The following FGF22 variants were observed in gnomAD, a reference collection of about 807,000 sequenced individuals.
FGF22 encodes the protein fibroblast growth factor 22.
Under a neutral mutation model 10.3 loss-of-function variants are expected in FGF22, and 11 were observed. The ratio of observed to expected loss-of-function variants is 1.07; its 90% CI spans 0.67 to 1.77. The LOEUF is 1.77. Ranked by LOEUF, FGF22 falls within the 40% of genes most tolerant of loss-of-function variation. The pLI is 0.00. For synonymous variants in FGF22, 136 were observed against 122.1 expected, an observed-to-expected ratio of 1.11 and a Z score of -0.75; for missense variants, 317 against 273.2, an observed-to-expected ratio of 1.16 and a Z score of -1.13.
At chr19:640,440 C>T in intron 1 of FGF22, 1 of 288,230 alleles carries the variant, frequency 3.5e-6, no homozygotes, top group Admixed American at 5.2e-5. Context: ...GGGGCTGGGG[C>T]AGGCCCAGCT....
chr19:641,664 C>T, intron 1 of FGF22: 1 of 188,284 alleles, frequency 5.3e-6, no homozygotes, highest in Non-Finnish European at 1.1e-5. Flanking sequence ...TGGGAGGCAC[C>T]TTGCCAGGGG....
intron 1 of FGF22, chr19:641,380 T>G (rs1348438956): frequency 2.4e-6 from 1 of 418,398 alleles, no homozygotes; most frequent in Non-Finnish European, 4.9e-6. Flanking sequence ...ATCGAGACCA[T>G]CCCGGCTAAC....
exon 3 of FGF22, chr19:644,031 A>C: frequency 2.0e-5 from 4 of 201,846 alleles, no homozygotes; most frequent in Non-Finnish European, 2.0e-5. Context: ...TGCAAATACA[A>C]CGCCTTGCGA....
chr19:644,275 G>A (rs1986012045), exon 3 of FGF22: 1 of 152,850 alleles, frequency 6.5e-6, no homozygotes, highest in African/African-American at 2.4e-5. Context: ...GAGCCCCCGG[G>A]AGGGACCGGC....
In FGF22 at chr19:643,090, G is replaced by T. The variant is rs781653267; in HGVS notation, c.215-145G>T. ...GTCACGGCTCTGGGGGATCCTGAGT[G>T]TCCGTCGTGGTCGGGAGGGGACTCG... On this transcript the variant is annotated intron_variant, in intron 1 of 2. Coordinates refer to ENST00000215530, the Ensembl canonical transcript of FGF22. 64 of 674,340 alleles carry T rather than the reference G, an allele frequency of 9.5e-5. No individual in the cohort carries two copies. The Middle Eastern group carries it at 1.9e-3, about 20-fold the overall frequency. The allele number at this position is 674,340 out of a possible 1,614,324, so 41.8% of individuals were successfully genotyped here.
chr19:641,342 C>T (rs1377184399), intron 1 of FGF22: 14 of 444,390 alleles, frequency 3.2e-5, no homozygotes, highest in Admixed American at 1.4e-4. Context: ...TTTGGGAGGC[C>T]GAGGCGGGCA....
At chr19:641,446 G>A (rs963592342) in intron 1 of FGF22, 2 of 358,652 alleles carry the variant, frequency 5.6e-6, no homozygotes, top group African/African-American at 2.1e-5. Context: ...GTGGTGGCGG[G>A]CGCCTGTAGT....
exon 1 of FGF22, chr19:640,124 C>T: frequency 2.9e-6 from 4 of 1,364,860 alleles, no homozygotes; most frequent in Non-Finnish European, 3.8e-6. Context: ...CACCCGCTGG[C>T]GCCACGGCCA....
chr19:641,235 C>T (rs1224340527), intron 1 of FGF22: 7 of 456,278 alleles, frequency 1.5e-5, no homozygotes, highest in African/African-American at 6.0e-5. Flanking sequence ...AGAGCAGAGG[C>T]GCGCAGCAGT....
chr19:644,009 G>A (rs763349449), exon 3 of FGF22: 7 of 244,470 alleles, frequency 2.9e-5, no homozygotes, highest in East Asian at 2.6e-4. Flanking sequence ...AGCCGGTCCC[G>A]TCCCGGGAAT....
exon 3 of FGF22, chr19:643,487 G>C (rs1985981441): frequency 3.1e-6 from 5 of 1,610,908 alleles, no homozygotes; most frequent in Admixed American, 1.7e-5. Flanking sequence ...CACAGCGCTG[G>C]CGCCGCCGCG....
intron 1 of FGF22, among the ~76,000 whole-genome samples, chr19:642,742 C>T (rs1227549277): frequency 6.6e-6 from 1 of 151,714 alleles, no homozygotes; most frequent in African/African-American, 2.4e-5. Context: ...TGCTGCTGGT[C>T]GCTGGCTCAT....
intron 1 of FGF22, chr19:640,451 G>A: frequency 3.7e-6 from 1 of 273,742 alleles, no homozygotes; most frequent in African/African-American, 2.2e-5. Flanking sequence ...AGGCCCAGCT[G>A]CATGGCGGAA....
intron 1 of FGF22, among the ~76,000 whole-genome samples, chr19:641,758 T>G (rs1985910548): frequency 6.6e-6 from 1 of 152,068 alleles, no homozygotes; most frequent in African/African-American, 2.4e-5. Flanking sequence ...CGTTCCTGTG[T>G]GTCCTGGAAG....
At chr19:643,839 G>A in exon 3 of FGF22, 1 of 523,170 alleles carries the variant, frequency 1.9e-6, no homozygotes, top group South Asian at 2.7e-5. Context: ...CTCTCGGGCT[G>A]AAGGACGCAG....
At chr19:641,018 G>A (rs960112511) in intron 1 of FGF22, 1 of 376,588 alleles carries the variant, frequency 2.7e-6, no homozygotes, top group South Asian at 1.9e-5. Context: ...CCGGGGCAGA[G>A]GCCTGGCTCC....
At chr19:639,992 A>G in exon 1 of FGF22, 1 of 1,282,844 alleles carries the variant, frequency 7.8e-7, no homozygotes, top group Non-Finnish European at 9.8e-7. Context: ...CGCCGCGGGA[A>G]CCCCGAGCGC....
At chr19:640,648 C>T (rs909739936) in intron 1 of FGF22, 3 of 156,102 alleles carry the variant, frequency 1.9e-5, no homozygotes, top group African/African-American at 7.2e-5. Context: ...CCCACAGGGC[C>T]CAGGACGTCA....
At chr19:642,703 C>G (rs868526977) in intron 1 of FGF22, among the ~76,000 whole-genome samples, 1,933 of 70,970 alleles carry the variant, frequency 0.027, no homozygotes, top group Middle Eastern at 0.13. Flanking sequence ...GGTGTGAGCT[C>G]TGAGGGCCGG....
Sources: gnomAD v4.1 joint callset for allele counts (sites outside exome capture counted in the v4.1 genomes callset) on GRCh38, gnomAD v4.1.1 for gene constraint, MANE v1.5 for transcripts, NCBI Gene and HGNC (gene_info 2026-07-23, HGNC 2026-07-21) for gene names.